The following MIPOL1 variants were observed in gnomAD, a reference collection of about 807,000 sequenced individuals.
MIPOL1 encodes the protein mirror-image polydactyly 1.
MIPOL1 carries 57 observed loss-of-function variants against 60.9 expected under a neutral mutation model. The ratio of observed to expected loss-of-function variants is 0.94; its 90% CI spans 0.76 to 1.17. The LOEUF (loss-of-function observed/expected upper bound fraction) is 1.17. Among genes scored for constraint, MIPOL1 ranks in the 50% most tolerant of loss-of-function variants. The pLI is 0.00. For synonymous variants in MIPOL1, 179 were observed against 168.8 expected (o/e 1.06, Z -0.47); for missense variants, 551 against 511.6 (o/e 1.08, Z -0.74).
intron 9 of MIPOL1, among the ~76,000 whole-genome samples, chr14:37,344,207 GA>G (rs1246253278): frequency 6.6e-6 from 1 of 151,516 alleles, no homozygotes; most frequent in Non-Finnish European, 1.5e-5. Context: ...TCTTTCTTTT[GA>G]ATCTATAAAT....
chr14:37,353,619 C>G (rs1172569824), intron 9 of MIPOL1, among the ~76,000 whole-genome samples: 2 of 151,122 alleles, frequency 1.3e-5, no homozygotes. Flanking sequence ...TCAACTTCTT[C>G]CTGGTTTAGT....
chr14:37,268,651 A>G lies in MIPOL1; in HGVS notation c.252-7A>G, dbSNP rs1465303679. ...CTCTGAAATGTTAATCAGTTTCTTT[A>G]TTACAGCGTTATGGAACATAGACAT... On this transcript the variant is annotated splice_polypyrimidine_tract_variant and splice_region_variant and intron_variant, in intron 4 of 12. Transcript: ENST00000684589. 3.2e-6 allele frequency: 5 copies of G among 1,568,466 alleles called. No homozygotes were observed. Among genetic ancestry groups the G allele is most frequent in the Non-Finnish European group, 4.3e-6 (5 of 1,161,654 alleles).
In MIPOL1 at chr14:37,517,599, A is replaced by G. The variant is rs111557488; in HGVS notation, c.1262+17461A>G. Among the ~76,000 whole-genome samples the G allele has an allele frequency of 8.5e-5, 13 of 152,324 alleles. 1 individual carries two copies. Among genetic ancestry groups the G allele is most frequent in the African/African-American group, 3.1e-4 (13 of 41,590 alleles). On this transcript the variant is annotated intron_variant, in intron 12 of 12. Transcript: ENST00000684589. The stretch of plus-strand genomic sequence containing the variant: ...ATGCGTATGAAGCAACATAAGAATT[A>G]CAGTATTGTTTTTAATAGCAAATAA...
At chr14:37,296,921 T>C (rs1235723287) in intron 7 of MIPOL1, among the ~76,000 whole-genome samples, 6 of 151,998 alleles carry the variant, frequency 3.9e-5, no homozygotes, top group Non-Finnish European at 5.9e-5. Context: ...TTCCAATCAA[T>C]AGAAAAAGAG....
chr14:37,502,259 G>C (rs1008194232), intron 12 of MIPOL1: 1 of 152,274 alleles, frequency 6.6e-6, no homozygotes, highest in East Asian at 1.9e-4. Context: ...TCTCAGCATG[G>C]CATTTGAGCT....
intron 7 of MIPOL1, among the ~76,000 whole-genome samples, chr14:37,302,470 TAA>T (rs2086384188): frequency 6.6e-6 from 1 of 151,724 alleles, no homozygotes; most frequent in Non-Finnish European, 1.5e-5. Flanking sequence ...CCTTGTTGTT[TAA>T]AAGAGTTGTT....
At position 37,286,296 on chromosome 14, in the gene MIPOL1, T is replaced by G. The variant is rs1567285686; in HGVS notation, c.623+849T>G. Among the ~76,000 whole-genome samples, 3 of 152,212 alleles carry G rather than the reference T, an allele frequency of 2.0e-5. No homozygotes were observed. In the South Asian group the frequency reaches 6.2e-4, roughly 32 times the overall value. Reference sequence around the variant, plus strand: ...GACTACACTTAGAGAAACAATGCCCTAGAAATATGTACTTTTCAAATTCTA... The same window carrying G: ...GACTACACTTAGAGAAACAATGCCCGAGAAATATGTACTTTTCAAATTCTA... On this transcript the variant is annotated intron_variant, in intron 7 of 12. Coordinates refer to ENST00000684589, the MANE Select transcript of MIPOL1 (RefSeq NM_001388067.1).
At position 37,443,242 on chromosome 14, in the gene MIPOL1, T is replaced by C. The variant is rs552067244; in HGVS notation, c.1031+20293T>C. 5.9e-5 allele frequency among the ~76,000 whole-genome samples: 9 copies of C among 151,994 alleles called. No individual in the cohort carries two copies. The East Asian group carries it at 1.7e-3, about 29-fold the overall frequency. ...ATTGAAGCCGAAAGCAGGAGGAGCT[T>C]TAGACCAGGAGTTTGAGACCAGTCT... On this transcript the variant is annotated intron_variant, in intron 11 of 12. Transcript: ENST00000684589.
intron 1 of MIPOL1, among the ~76,000 whole-genome samples, chr14:37,207,352 G>A (rs552139631): frequency 1.3e-5 from 2 of 152,040 alleles, no homozygotes; most frequent in Non-Finnish European, 1.5e-5. Context: ...GAGGCCTCTC[G>A]ATCCATGTGG....
intron 1 of MIPOL1, among the ~76,000 whole-genome samples, chr14:37,205,894 G>C (rs542775839): frequency 1.2e-4 from 18 of 152,252 alleles, no homozygotes; most frequent in African/African-American, 4.3e-4. Flanking sequence ...TTGATTCCAA[G>C]TCTTTGCTGT....
chr14:37,399,874 A>G (rs1365112804), intron 10 of MIPOL1: 1 of 152,108 alleles, frequency 6.6e-6, no homozygotes, highest in Non-Finnish European at 1.5e-5. Context: ...TTTTCCCCCA[A>G]ACCTGGTCAC....
At chr14:37,465,960 T>C (rs1337460200) in intron 11 of MIPOL1, among the ~76,000 whole-genome samples, 1 of 152,200 alleles carries the variant, frequency 6.6e-6, no homozygotes, top group Non-Finnish European at 1.5e-5. Context: ...AGAATAAAAC[T>C]GCTAGTTTTT....
intron 10 of MIPOL1, among the ~76,000 whole-genome samples, chr14:37,421,161 T>G (rs1279135045): frequency 1.3e-5 from 2 of 152,282 alleles, no homozygotes; most frequent in African/African-American, 2.4e-5. Flanking sequence ...TATGAAAATT[T>G]CTAGGCAAAA....
chr14:37,479,730 C>G (rs1200000362), intron 11 of MIPOL1, among the ~76,000 whole-genome samples: 5 of 151,756 alleles, frequency 3.3e-5, no homozygotes, highest in African/African-American at 1.2e-4. Flanking sequence ...AAAAACAGTA[C>G]AAAAGATCAA....
intron 11 of MIPOL1, among the ~76,000 whole-genome samples, chr14:37,452,151 AT>A (rs1043337541): frequency 9.9e-5 from 15 of 152,178 alleles, no homozygotes; most frequent in Admixed American, 9.2e-4. Context: ...ACCATTAAAG[AT>A]TTGAGATGAA....
intron 11 of MIPOL1, among the ~76,000 whole-genome samples, chr14:37,471,678 T>C (rs963936552): frequency 6.6e-6 from 1 of 151,982 alleles, no homozygotes; most frequent in East Asian, 1.9e-4. Context: ...TCCCAACCAC[T>C]TTTTTTTAAT....
intron 7 of MIPOL1, among the ~76,000 whole-genome samples, chr14:37,296,374 C>G (rs976745205): frequency 7.9e-5 from 12 of 152,130 alleles, no homozygotes; most frequent in Non-Finnish European, 1.5e-4. Context: ...AATTGACACC[C>G]TAACATCACA....
rs1420206030 is a variant in MIPOL1, at chr14:37,302,832, A to T, written c.624-5224A>T. The stretch of plus-strand genomic sequence containing the variant: ...TTTGTCAATATCACATAATCTTGAT[A>T]GTGAGTCTTGAAATCAGGTGTAGTC... On this transcript the variant is annotated intron_variant, in intron 7 of 12. Coordinates refer to ENST00000684589, the MANE Select transcript of MIPOL1 (RefSeq NM_001388067.1). Among the ~76,000 whole-genome samples, 3 of 151,946 alleles carry T rather than the reference A, an allele frequency of 2.0e-5. No homozygotes were observed. In the East Asian group the frequency reaches 5.8e-4, roughly 29 times the overall value.
At chr14:37,402,254 C>T (rs1395802686) in intron 10 of MIPOL1, among the ~76,000 whole-genome samples, 1 of 152,166 alleles carries the variant, frequency 6.6e-6, no homozygotes, top group South Asian at 2.1e-4. Context: ...TTATTGAAAA[C>T]ATTTAATGAA....
Sources: allele counts gnomAD v4.1 joint callset (sites outside exome capture counted in the v4.1 genomes callset), GRCh38; gene constraint gnomAD v4.1.1; transcripts MANE v1.5; gene names NCBI Gene and HGNC (gene_info 2026-07-23, HGNC 2026-07-21).